Variants in FANCD2 observed in about 807,000 individuals in gnomAD.
The protein encoded by FANCD2 is FA complementation group D2, also known as Fanconi anemia group D2 protein.
FANCD2 carries 131 observed loss-of-function variants against 192.3 expected under a neutral mutation model. The ratio of observed to expected loss-of-function variants is 0.68; its 90% confidence interval spans 0.59 to 0.79. The LOEUF is 0.79. Ranked by LOEUF, FANCD2 falls within the 30% of genes least tolerant of loss-of-function variation. The pLI, the probability that FANCD2 is intolerant of heterozygous loss-of-function variation, is 0.00. For synonymous variants in FANCD2, 524 were observed against 612.5 expected, an observed-to-expected ratio of 0.86 and a Z score of 2.13; for missense variants, 1,508 against 1,701.6, an observed-to-expected ratio of 0.89 and a Z score of 2.00.
chr3:10,032,385 A>G, intron 2 of FANCD2: 1 of 324,896 alleles, frequency 3.1e-6, no homozygotes, highest in Admixed American at 4.4e-5. Flanking sequence ...GGCTCAAGTT[A>G]TTCTTCCGCC....
In FANCD2 at chr3:10,032,202, C is replaced by A. The variant is rs187315905; in HGVS notation, c.65-630C>A. 1,264 of 290,448 alleles carry A rather than the reference C, an allele frequency of 4.4e-3. 9 individuals carry two copies. The highest frequency in any genetic ancestry group is 5.9e-3 in the Non-Finnish European group (862 of 145,162). 18.0% of individuals were successfully genotyped at this position (290,448 alleles called of 1,614,324 possible). On this transcript the variant is annotated intron_variant, in intron 2 of 43. Transcript: ENST00000675286. ...TTCCAGTACAGTGGTTTGCAGGCAACAGCTTGAGAGACACTGGCTAGTTTA... is the reference window on the plus strand; with the variant it reads ...TTCCAGTACAGTGGTTTGCAGGCAAAAGCTTGAGAGACACTGGCTAGTTTA...
At chr3:10,092,334 G>T in intron 38 of FANCD2, 82 bp downstream of exon 38, 1 of 1,057,508 alleles carries the variant, frequency 9.5e-7, no homozygotes, top group Non-Finnish European at 1.5e-6. Context: ...GACTTTCCTT[G>T]CTCCTCTTCC....
chr3:10,034,869 A>G, intron 5 of FANCD2, 71 bp downstream of exon 5: 1 of 1,100,104 alleles, frequency 9.1e-7, no homozygotes, highest in Non-Finnish European at 1.4e-6. Context: ...CTGGGGAGGG[A>G]GAGCACAGTT....
intron 18 of FANCD2, chr3:10,058,073 G>T: frequency 2.0e-6 from 1 of 493,026 alleles, no homozygotes; most frequent in South Asian, 1.8e-5. Flanking sequence ...GTACTTCTTG[G>T]GATTCTCCAA....
chr3:10,091,357 AG>A, intron 37 of FANCD2, among the ~76,000 whole-genome samples: 1 of 151,060 alleles, frequency 6.6e-6, no homozygotes, highest in Non-Finnish European at 1.5e-5. Context: ...CTGGGATTAT[AG>A]GCATAAACCA....
chr3:10,082,798 TTCA>T (rs2125063015), intron 32 of FANCD2, among the ~76,000 whole-genome samples: 1 of 152,326 alleles, frequency 6.6e-6, no homozygotes, highest in African/African-American at 2.4e-5. Flanking sequence ...TAATTACTTG[TTCA>T]TCAGTCTTTC....
chr3:10,085,655 G>T, intron 32 of FANCD2, 157 bp from the exon 33 acceptor site: 1 of 654,846 alleles, frequency 1.5e-6, no homozygotes, highest in South Asian at 1.4e-5. Context: ...CTCCCGAAGT[G>T]CTGGGATTAC....
intron 38 of FANCD2, 51 bp from the exon 39 acceptor site, chr3:10,093,234 T>C (rs1347894916): frequency 2.7e-6 from 4 of 1,462,484 alleles, no homozygotes; most frequent in African/African-American, 2.8e-5. Context: ...GAGGCTGGAG[T>C]GCTCAAAGGA....
At chr3:10,048,727 C>G (rs536926740) in intron 16 of FANCD2, among the ~76,000 whole-genome samples, 4 of 152,300 alleles carry the variant, frequency 2.6e-5, no homozygotes, top group Admixed American at 2.6e-4. Context: ...CTGTCATTAA[C>G]AATGTTAAAA....
intron 32 of FANCD2, among the ~76,000 whole-genome samples, chr3:10,082,257 C>T (rs1418444964): frequency 6.6e-6 from 1 of 152,144 alleles, no homozygotes; most frequent in Non-Finnish European, 1.5e-5. Flanking sequence ...ATCTGATTGC[C>T]AAATCCTGTT....
intron 4 of FANCD2, 57 bp downstream of exon 4, chr3:10,034,593 A>T: frequency 1.3e-6 from 2 of 1,523,384 alleles, no homozygotes. Context: ...AGAATTTGGA[A>T]TTTAAGGACA....
intron 29 of FANCD2, among the ~76,000 whole-genome samples, chr3:10,076,536 C>T (rs1693554716): frequency 6.6e-6 from 1 of 151,984 alleles, no homozygotes; most frequent in South Asian, 2.1e-4. Flanking sequence ...GTGCAGTTTC[C>T]TCCCTTGCCT....
intron 5 of FANCD2, 110 bp downstream of exon 5, chr3:10,034,908 C>G (rs1284471414): frequency 2.3e-6 from 2 of 855,508 alleles, no homozygotes; most frequent in South Asian, 1.4e-5. Context: ...GGTGTAAGCT[C>G]TGTTTTCCTC....
intron 26 of FANCD2, among the ~76,000 whole-genome samples, chr3:10,070,940 TAAG>T (rs1322358576): frequency 6.8e-6 from 1 of 146,790 alleles, no homozygotes; most frequent in East Asian, 2.0e-4. Context: ...GCATGCTTGT[TAAG>T]AATCATCACC....
intron 32 of FANCD2, among the ~76,000 whole-genome samples, chr3:10,082,234 G>A (rs908290662): frequency 7.2e-5 from 11 of 152,016 alleles, no homozygotes; most frequent in African/African-American, 1.4e-4. Flanking sequence ...GCTCTCCACC[G>A]TCTTTTTCCC....
intron 42 of FANCD2, among the ~76,000 whole-genome samples, chr3:10,096,904 G>T (rs945060883): frequency 1.3e-5 from 2 of 152,086 alleles, no homozygotes; most frequent in East Asian, 3.9e-4. Flanking sequence ...GACCTGCCCC[G>T]ATAATCACGT....
Position 10,065,964 on chromosome 3 carries a change from C to G in FANCD2, c.2370C>G (p.Leu790=), listed in dbSNP as rs2087708224. Residue 790 remains leucine (L), a synonymous_variant, in exon 25 of 44, where the codon CTC becomes CTG. Transcript: ENST00000675286. ...TGTGTTCTCTCATATTTCTTACTCT[C>G]AACTGGTTCCGAGAGGTGAGCAGAG... The part of the protein sequence containing the change: ...SFMCSLIFLT[L]NWFREIVNAF... 2 of 1,605,896 alleles carry G rather than the reference C, an allele frequency of 1.2e-6. No individual in the cohort carries two copies. The highest frequency in any genetic ancestry group is 2.2e-5 in the South Asian group (2 of 90,882).
At chr3:10,051,715 A>G (rs2087225347) in intron 17 of FANCD2, among the ~76,000 whole-genome samples, 1 of 152,222 alleles carries the variant, frequency 6.6e-6, no homozygotes, top group South Asian at 2.1e-4. Flanking sequence ...GATTCAATAG[A>G]GAGGAAGAAA....
intron 43 of FANCD2, among the ~76,000 whole-genome samples, chr3:10,100,737 T>C (rs1359816963): frequency 1.3e-5 from 2 of 152,180 alleles, no homozygotes; most frequent in Admixed American, 6.5e-5. Flanking sequence ...CTATGTCATA[T>C]ACATGCAGTA....
Sources: allele counts gnomAD v4.1 joint callset (sites outside exome capture counted in the v4.1 genomes callset), GRCh38; gene constraint gnomAD v4.1.1; transcripts MANE v1.5; gene names NCBI Gene and HGNC (gene_info 2026-07-23, HGNC 2026-07-21).